The following CDH13 variants were observed in gnomAD, a reference collection of about 807,000 sequenced individuals.
CDH13 encodes the protein cadherin 13, also known as cadherin-13.
A neutral mutation model predicts 63.8 loss-of-function variants in CDH13; 24 were observed. The ratio of observed to expected loss-of-function variants is 0.38; its 90% CI spans 0.27 to 0.53. The LOEUF is 0.53. Ranked by LOEUF, CDH13 falls within the 20% of genes least tolerant of loss-of-function variation. The pLI, the probability that CDH13 is intolerant of heterozygous loss-of-function variation, is 0.85. For missense variants in CDH13, 1,049 were observed against 903.1 expected, an observed-to-expected ratio of 1.16 and a Z score of -2.07; for synonymous variants, 503 against 355.3, an observed-to-expected ratio of 1.42 and a Z score of -4.67.
intron 5 of CDH13, among the ~76,000 whole-genome samples, chr16:83,314,674 G>A (rs965917601): frequency 3.3e-5 from 5 of 152,192 alleles, no homozygotes; most frequent in Admixed American, 6.5e-5. Flanking sequence ...AAATGGCGGT[G>A]TTGGACTTAA....
At chr16:82,665,251 A>G (rs1014022805) in intron 1 of CDH13, among the ~76,000 whole-genome samples, 2 of 152,116 alleles carry the variant, frequency 1.3e-5, no homozygotes, top group Non-Finnish European at 2.9e-5. Flanking sequence ...AGTGCTCTCT[A>G]GTGTCTCTAA....
At chr16:83,289,816 G>A (rs144095784) in intron 5 of CDH13, among the ~76,000 whole-genome samples, 6 of 152,262 alleles carry the variant, frequency 3.9e-5, no homozygotes, top group African/African-American at 1.4e-4. Flanking sequence ...CATACAGTTA[G>A]CCTGTAAATG....
At chr16:83,398,808 T>C (rs1256850340) in intron 6 of CDH13, among the ~76,000 whole-genome samples, 1 of 152,224 alleles carries the variant, frequency 6.6e-6, no homozygotes, top group Non-Finnish European at 1.5e-5. Flanking sequence ...TTAAAATAGA[T>C]TTTATCTCAT....
chr16:83,076,829 T>C (rs995193855), intron 3 of CDH13, among the ~76,000 whole-genome samples: 3 of 152,164 alleles, frequency 2.0e-5, no homozygotes, highest in Non-Finnish European at 4.4e-5. Context: ...CCCACAAAGC[T>C]TATGCGTCAT....
chr16:82,802,143 G>C (rs1407098447), intron 1 of CDH13, among the ~76,000 whole-genome samples: 1 of 152,064 alleles, frequency 6.6e-6, no homozygotes, highest in Admixed American at 6.5e-5. Context: ...GCTTCTAAGG[G>C]GCATAATATT....
chr16:83,358,882 T>C (rs1229930641), intron 6 of CDH13, among the ~76,000 whole-genome samples: 1 of 152,164 alleles, frequency 6.6e-6, no homozygotes, highest in Non-Finnish European at 1.5e-5. Context: ...ATGGGAACTT[T>C]CTTAGTGTAG....
chr16:83,133,241 A>C (rs1022891792), intron 4 of CDH13, among the ~76,000 whole-genome samples: 2 of 152,224 alleles, frequency 1.3e-5, no homozygotes, highest in African/African-American at 4.8e-5. Flanking sequence ...CTGAAAACGC[A>C]ATGTCCACAC....
intron 1 of CDH13, among the ~76,000 whole-genome samples, chr16:82,799,926 G>C (rs1473824382): frequency 6.6e-6 from 1 of 152,128 alleles, no homozygotes; most frequent in African/African-American, 2.4e-5. Context: ...TTGACTCCTA[G>C]GTAGGAACCG....
intron 7 of CDH13, among the ~76,000 whole-genome samples, chr16:83,590,443 C>G (rs1263731759): frequency 6.6e-6 from 1 of 152,088 alleles, no homozygotes. Context: ...GAGATGATCC[C>G]TCCGGGAAGA....
intron 11 of CDH13, among the ~76,000 whole-genome samples, chr16:83,776,957 G>GCTGCACACAT (rs2067271): frequency 0.59 from 90,023 of 151,560 alleles, 27,643 homozygotes; most frequent in African/African-American, 0.7. Flanking sequence ...CTTCCGCCAA[G>GCTGCACACAT]CTGCACAGGT....
intron 2 of CDH13, among the ~76,000 whole-genome samples, chr16:82,967,312 C>G (rs1477926098): frequency 6.6e-6 from 1 of 152,084 alleles, no homozygotes; most frequent in Non-Finnish European, 1.5e-5. Flanking sequence ...ATAGTCTGCC[C>G]TCCCTTTATA....
intron 7 of CDH13, among the ~76,000 whole-genome samples, chr16:83,572,539 G>A (rs886211634): frequency 1.1e-4 from 16 of 152,082 alleles, no homozygotes; most frequent in African/African-American, 2.9e-4. Flanking sequence ...TGTCAGGTTC[G>A]CCTCTTAAGT....
At chr16:83,511,315 A>ACACCT (rs2074558937) in intron 7 of CDH13, among the ~76,000 whole-genome samples, 1 of 152,192 alleles carries the variant, frequency 6.6e-6, no homozygotes, top group Non-Finnish European at 1.5e-5. Flanking sequence ...TACAAAATTT[A>ACACCT]GCCAGGTGTA....
In CDH13 at chr16:83,796,527, A is replaced by G. The variant is rs1300667106; in HGVS notation, c.*1497A>G. ...TATATTGTATTTGTTTCAATGGTAA[A>G]TCCTTTTGGAACATATAGAATGCAG... On this transcript the variant is annotated 3_prime_UTR_variant, in exon 14 of 14. Coordinates refer to ENST00000567109, the MANE Select transcript of CDH13 (RefSeq NM_001257.5). 4 of 152,212 alleles carry G rather than the reference A, an allele frequency of 2.6e-5. No individual in the cohort carries two copies. Among genetic ancestry groups the G allele is most frequent in the African/African-American group, 9.6e-5 (4 of 41,454 alleles). The allele number at this position is 152,212 out of a possible 1,614,324, so 9.4% of individuals were successfully genotyped here.
chr16:83,065,660 G>A lies in CDH13; in HGVS notation c.366+33442G>A, dbSNP rs149914690. Among the ~76,000 whole-genome samples, 1,257 of 151,134 alleles carry A rather than the reference G, an allele frequency of 8.3e-3. 11 individuals carry two copies. Among genetic ancestry groups the A allele is most frequent in the Middle Eastern group, 0.031 (9 of 294 alleles). ...GCAGAGGTTGCAGTGAGCCAAGATC[G>A]TGCCACTGCATTCTAGCCTGGGTGA... On this transcript the variant is annotated intron_variant, in intron 3 of 13. Transcript: ENST00000567109.
chr16:82,883,485 A>G (rs994126089), intron 2 of CDH13, among the ~76,000 whole-genome samples: 1 of 152,222 alleles, frequency 6.6e-6, no homozygotes, highest in African/African-American at 2.4e-5. Flanking sequence ...AGGAATCTGC[A>G]TGTTTTCCAT....
At chr16:83,550,408 G>C (rs907199922) in intron 7 of CDH13, among the ~76,000 whole-genome samples, 1 of 152,252 alleles carries the variant, frequency 6.6e-6, no homozygotes, top group Admixed American at 6.5e-5. Flanking sequence ...CAGAGGTAAT[G>C]TGTGGCATGG....
At chr16:83,791,151 T>C (rs546940415) in intron 13 of CDH13, among the ~76,000 whole-genome samples, 16 of 151,416 alleles carry the variant, frequency 1.1e-4, no homozygotes, top group African/African-American at 3.9e-4. Flanking sequence ...GACCCCCATC[T>C]CTGAAAAAAA....
chr16:83,605,891 A>G (rs7201842), intron 8 of CDH13, among the ~76,000 whole-genome samples: 18,059 of 152,192 alleles, frequency 0.12, 2,109 homozygotes, highest in African/African-American at 0.3. Flanking sequence ...GGGAGAAGCA[A>G]TTCTGCAGGA....
Sources: allele counts gnomAD v4.1 joint callset (sites outside exome capture counted in the v4.1 genomes callset), GRCh38; gene constraint gnomAD v4.1.1; transcripts MANE v1.5; gene names NCBI Gene and HGNC (gene_info 2026-07-23, HGNC 2026-07-21).